NUP210L: variants seen among roughly 807,000 people sequenced by gnomAD.
The protein encoded by NUP210L is nucleoporin 210 like, also known as nuclear pore membrane glycoprotein 210-like.
Under a neutral mutation model 208.5 loss-of-function variants are expected in NUP210L, and 74 were observed. That is an observed-to-expected ratio of 0.35 (90% CI 0.29 to 0.43). The LOEUF (loss-of-function observed/expected upper bound fraction) is 0.43. Ranked by LOEUF, NUP210L falls within the 20% of genes least tolerant of loss-of-function variation. The probability of loss-of-function intolerance (pLI) is 1.00; values close to 1 mark genes in which losing one functional copy is unlikely to be tolerated. For synonymous variants in NUP210L, 780 were observed against 816.9 expected, an observed-to-expected ratio of 0.95 and a Z score of 0.77; for missense variants, 1,843 against 2,289.4, an observed-to-expected ratio of 0.81 and a Z score of 3.98.
chr1:154,037,826 A>C (rs112142977), intron 27 of NUP210L, among the ~76,000 whole-genome samples: 1 of 152,014 alleles, frequency 6.6e-6, no homozygotes, highest in Admixed American at 6.6e-5. Flanking sequence ...CCATGTTGGC[A>C]AGGCTTGTCT....
intron 28 of NUP210L, 79 bp downstream of exon 28, chr1:154,029,817 A>G (rs1442383117): frequency 1.3e-5 from 15 of 1,123,140 alleles, no homozygotes; most frequent in Non-Finnish European, 1.8e-5. Flanking sequence ...TATCCAGACT[A>G]AGCTCTTTGT....
intron 12 of NUP210L, among the ~76,000 whole-genome samples, chr1:154,111,980 T>A (rs1194243066): frequency 6.6e-6 from 1 of 151,448 alleles, no homozygotes; most frequent in East Asian, 1.9e-4. Flanking sequence ...CAGGCTGGAG[T>A]GCAATGGCGC....
chr1:154,053,961 A>C (rs572844690), intron 25 of NUP210L, among the ~76,000 whole-genome samples: 1 of 152,310 alleles, frequency 6.6e-6, no homozygotes, highest in East Asian at 1.9e-4. Context: ...CATTTGGAAA[A>C]AACTTATTAG....
chr1:154,025,357 T>C (rs1393878769), intron 30 of NUP210L, among the ~76,000 whole-genome samples, 185 bp downstream of exon 30: 1 of 27,082 alleles, frequency 3.7e-5, no homozygotes, highest in African/African-American at 2.8e-4. Context: ...TTCTTCTCCT[T>C]TTTTTTTTTT....
intron 17 of NUP210L, among the ~76,000 whole-genome samples, chr1:154,061,962 G>A (rs979683129): frequency 6.6e-6 from 1 of 152,038 alleles, no homozygotes; most frequent in Non-Finnish European, 1.5e-5. Flanking sequence ...CAAGTAGCTG[G>A]GACTGCAGGC....
At chr1:154,129,288 G>A in exon 8 of NUP210L, 1 of 1,601,536 alleles carries the variant, frequency 6.2e-7, no homozygotes, top group Non-Finnish European at 8.5e-7. Flanking sequence ...TAAAAATCCA[G>A]GCTCTACAAC....
chr1:154,025,927 T>G (rs749399699), intron 29 of NUP210L, among the ~76,000 whole-genome samples: 20 of 152,114 alleles, frequency 1.3e-4, no homozygotes, highest in Non-Finnish European at 1.5e-5. Context: ...TATTTATAAT[T>G]AAAGAATTAT....
intron 25 of NUP210L, among the ~76,000 whole-genome samples, chr1:154,053,896 C>T (rs1653666055): frequency 1.3e-5 from 2 of 152,154 alleles, no homozygotes; most frequent in South Asian, 4.1e-4. Context: ...TCTCCACAAC[C>T]AACCTGGTCT....
At chr1:154,066,686 G>A (rs1223975554) in intron 17 of NUP210L, among the ~76,000 whole-genome samples, 1 of 152,130 alleles carries the variant, frequency 6.6e-6, no homozygotes, top group African/African-American at 2.4e-5. Context: ...AAAATTGATA[G>A]ACTGCTAGAA....
intron 5 of NUP210L, 102 bp from the exon 6 acceptor site, chr1:154,138,340 A>C (rs1571319301): frequency 1.9e-6 from 2 of 1,050,798 alleles, no homozygotes; most frequent in South Asian, 1.9e-5. Flanking sequence ...CTTCTTTTAA[A>C]ATTTTTTATA....
intron 32 of NUP210L, among the ~76,000 whole-genome samples, chr1:154,019,999 CAG>C (rs1379557667): frequency 4.6e-5 from 7 of 152,116 alleles, no homozygotes; most frequent in African/African-American, 1.7e-4. Context: ...GATTTATAAT[CAG>C]GGGATTGTAA....
At chr1:154,135,750 AAG>A in intron 7 of NUP210L, 62 bp downstream of exon 7, 1 of 1,416,756 alleles carries the variant, frequency 7.1e-7, no homozygotes, top group South Asian at 1.2e-5. Context: ...TATTTTACCA[AAG>A]AACATGTCTA....
intron 14 of NUP210L, among the ~76,000 whole-genome samples, chr1:154,096,363 T>C (rs564242051): frequency 1.3e-5 from 2 of 152,328 alleles, no homozygotes; most frequent in African/African-American, 4.8e-5. Context: ...TATTCACTTA[T>C]GAGGATACAG....
intron 21 of NUP210L, 134 bp downstream of exon 21, chr1:154,058,431 G>A (rs1261187675): frequency 3.1e-5 from 35 of 1,133,354 alleles, no homozygotes; most frequent in Admixed American, 4.8e-5. Context: ...GTTCTTTAAG[G>A]GCAGGTATTT....
chr1:154,146,619 T>TCC (rs1178482684), intron 2 of NUP210L, among the ~76,000 whole-genome samples: 4 of 76,974 alleles, frequency 5.2e-5, no homozygotes, highest in African/African-American at 1.5e-4. Context: ...CCATCCCCCC[T>TCC]CCCCCCCCCA....
intron 33 of NUP210L, among the ~76,000 whole-genome samples, chr1:154,018,077 T>A (rs992818803): frequency 2.0e-5 from 3 of 151,868 alleles, no homozygotes; most frequent in African/African-American, 7.3e-5. Context: ...GTTCAAGAGA[T>A]TCTCGTGCTT....
At chr1:154,017,322 G>T (rs954484560) in intron 33 of NUP210L, among the ~76,000 whole-genome samples, 5 of 150,524 alleles carry the variant, frequency 3.3e-5, no homozygotes, top group Admixed American at 2.7e-4. Context: ...TCACTTTGCT[G>T]AAGCTACTCA....
chr1:153,993,633 CTGTG>C (rs1649623881), intron 38 of NUP210L, among the ~76,000 whole-genome samples: 1 of 147,712 alleles, frequency 6.8e-6, no homozygotes, highest in South Asian at 2.1e-4. Flanking sequence ...TTTTTTTAGG[CTGTG>C]TGTGGTGGCT....
rs182324902 is a variant in NUP210L, at chr1:154,034,238, A to G, written c.3697-4184T>C. Among the ~76,000 whole-genome samples, 437 of 152,220 alleles carry G rather than the reference A, an allele frequency of 2.9e-3. 2 individuals carry two copies. Among genetic ancestry groups the G allele is most frequent in the Admixed American group, 5.4e-3 (82 of 15,260 alleles). ...ACTCTCTCCTCCTCTATTTTTCAGA[A>G]TAGTTTGAGTAGGATTGGTATTAGT... On this transcript the variant is annotated intron_variant, in intron 27 of 39. Transcript: ENST00000368559.
Sources: allele counts gnomAD v4.1 joint callset (sites outside exome capture counted in the v4.1 genomes callset), GRCh38; gene constraint gnomAD v4.1.1; transcripts MANE v1.5; gene names NCBI Gene and HGNC (gene_info 2026-07-23, HGNC 2026-07-21).